XPR1: variants seen among roughly 807,000 people sequenced by gnomAD.
XPR1 encodes xenotropic and polytropic retrovirus receptor 1.
In XPR1, 28 loss-of-function variants were observed where a neutral mutation model predicts 87.5. The ratio of observed to expected loss-of-function variants is 0.32; its 90% CI spans 0.24 to 0.44. The LOEUF is 0.44. Ranked by LOEUF, XPR1 falls within the 20% of genes least tolerant of loss-of-function variation. The probability of loss-of-function intolerance (pLI) is 1.00; values close to 1 mark genes in which losing one functional copy is unlikely to be tolerated. For missense variants in XPR1, 559 were observed against 862.3 expected, an observed-to-expected ratio of 0.65 and a Z score of 4.41; for synonymous variants, 300 against 306.1, an observed-to-expected ratio of 0.98 and a Z score of 0.21.
At chr1:180,763,415 AAAT>A (rs1648129507) in intron 2 of XPR1, among the ~76,000 whole-genome samples, 1 of 152,150 alleles carries the variant, frequency 6.6e-6, no homozygotes, top group Non-Finnish European at 1.5e-5. Flanking sequence ...AGTGAGGAAA[AAAT>A]GATATCTGAC....
At chr1:180,840,249 A>G (rs1383863159) in intron 11 of XPR1, among the ~76,000 whole-genome samples, 1 of 150,922 alleles carries the variant, frequency 6.6e-6, no homozygotes, top group Non-Finnish European at 1.5e-5. Flanking sequence ...AAAAAAAAAA[A>G]AGAAGTGTTG....
chr1:180,663,159 A>G (rs1295893236), intron 1 of XPR1, among the ~76,000 whole-genome samples: 1 of 152,092 alleles, frequency 6.6e-6, no homozygotes, highest in African/African-American at 2.4e-5. Context: ...TGGTGAGGTC[A>G]TGTTTTCCTG....
chr1:180,844,391 A>G (rs1651611959), intron 11 of XPR1, among the ~76,000 whole-genome samples: 1 of 152,210 alleles, frequency 6.6e-6, no homozygotes, highest in African/African-American at 2.4e-5. Context: ...AAAATGTCAT[A>G]TCTAGGTATT....
At chr1:180,791,638 T>C (rs1285186337) in intron 3 of XPR1, among the ~76,000 whole-genome samples, 3 of 152,222 alleles carry the variant, frequency 2.0e-5, no homozygotes, top group Non-Finnish European at 4.4e-5. Flanking sequence ...ATGTTTGTTT[T>C]ATATATGTTT....
At chr1:180,856,945 C>G (rs1652051617) in intron 11 of XPR1, among the ~76,000 whole-genome samples, 1 of 152,054 alleles carries the variant, frequency 6.6e-6, no homozygotes, top group Non-Finnish European at 1.5e-5. Flanking sequence ...TAATCTAAAT[C>G]GAAATGTGCC....
Position 180,783,256 on chromosome 1 carries a change from C to T in XPR1, c.122-4497C>T, listed in dbSNP as rs193220419. 9.7e-4 allele frequency among the ~76,000 whole-genome samples: 147 copies of T among 151,970 alleles called. 3 individuals carry two copies. The East Asian group carries it at 0.027, about 28-fold the overall frequency. ...GTGACACAGCTAGGTGCTGTCTCAA[C>T]AAACAAACAAACAAAAACTCTATTC... On this transcript the variant is annotated intron_variant, in intron 2 of 14. Coordinates refer to ENST00000367590, the MANE Select transcript of XPR1 (RefSeq NM_004736.4).
At chr1:180,874,924 T>A (rs535122785) in intron 13 of XPR1, among the ~76,000 whole-genome samples, 1 of 152,294 alleles carries the variant, frequency 6.6e-6, no homozygotes, top group Non-Finnish European at 1.5e-5. Flanking sequence ...ACAAGTAAAT[T>A]TACAATTTCA....
chr1:180,778,869 T>C (rs1472212289), intron 2 of XPR1, among the ~76,000 whole-genome samples: 1 of 152,228 alleles, frequency 6.6e-6, no homozygotes, highest in Non-Finnish European at 1.5e-5. Context: ...AATTCTCCTA[T>C]TTAGGCTTCC....
At chr1:180,641,842 C>T (rs950758089) in intron 1 of XPR1, among the ~76,000 whole-genome samples, 9 of 152,058 alleles carry the variant, frequency 5.9e-5, no homozygotes, top group African/African-American at 2.2e-4. Context: ...GAATATTGGC[C>T]TTCTGCTTAC....
At chr1:180,861,897 G>T (rs1652233300) in intron 11 of XPR1, among the ~76,000 whole-genome samples, 1 of 152,050 alleles carries the variant, frequency 6.6e-6, no homozygotes, top group Non-Finnish European at 1.5e-5. Context: ...GTGAGGAAAA[G>T]ATGTACAGTA....
chr1:180,823,125 C>G (rs1650698891), intron 7 of XPR1, among the ~76,000 whole-genome samples: 1 of 152,010 alleles, frequency 6.6e-6, no homozygotes. Flanking sequence ...TCTGTAATCC[C>G]AGCCACTCAG....
At chr1:180,761,450 A>G (rs1648028109) in intron 2 of XPR1, among the ~76,000 whole-genome samples, 1 of 152,220 alleles carries the variant, frequency 6.6e-6, no homozygotes, top group Non-Finnish European at 1.5e-5. Flanking sequence ...CCCATCAAAA[A>G]GTGGGCGAAG....
At chr1:180,844,802 A>C (rs188256000) in intron 11 of XPR1, among the ~76,000 whole-genome samples, 63 of 152,314 alleles carry the variant, frequency 4.1e-4, no homozygotes, top group African/African-American at 1.4e-3. Flanking sequence ...TAGCCAGGGG[A>C]AACTTCACAT....
intron 2 of XPR1, among the ~76,000 whole-genome samples, chr1:180,765,807 C>T (rs1172065688): frequency 6.6e-6 from 1 of 151,680 alleles, no homozygotes; most frequent in African/African-American, 2.4e-5. Flanking sequence ...ATGGGGAACC[C>T]ATGAATATAG....
chr1:180,722,955 G>A (rs966843589), intron 2 of XPR1, among the ~76,000 whole-genome samples: 1 of 152,086 alleles, frequency 6.6e-6, no homozygotes, highest in Non-Finnish European at 1.5e-5. Context: ...AGAGAACATC[G>A]TCTTTAATTT....
At chr1:180,675,403 T>G (rs543353068) in intron 1 of XPR1, among the ~76,000 whole-genome samples, 1 of 152,316 alleles carries the variant, frequency 6.6e-6, no homozygotes, top group South Asian at 2.1e-4. Flanking sequence ...CCTCTGGAGA[T>G]ATTTAACCTT....
chr1:180,802,663 C>T (rs1415774013), intron 3 of XPR1, among the ~76,000 whole-genome samples: 16 of 152,112 alleles, frequency 1.1e-4, no homozygotes, highest in Admixed American at 1.0e-3. Flanking sequence ...TATCTCGTAC[C>T]CATTAGCAAT....
intron 2 of XPR1, among the ~76,000 whole-genome samples, chr1:180,733,242 C>T (rs1658617224): frequency 6.6e-6 from 1 of 152,162 alleles, no homozygotes; most frequent in African/African-American, 2.4e-5. Context: ...CTGTCCTTAC[C>T]CTATGTCCGT....
At chr1:180,726,349 G>A (rs1658344667) in intron 2 of XPR1, among the ~76,000 whole-genome samples, 1 of 152,168 alleles carries the variant, frequency 6.6e-6, no homozygotes, top group African/African-American at 2.4e-5. Context: ...TGGAAGCTTT[G>A]TTCTTTCTCT....
Sources: gnomAD v4.1 joint callset for allele counts (sites outside exome capture counted in the v4.1 genomes callset) on GRCh38, gnomAD v4.1.1 for gene constraint, MANE v1.5 for transcripts, NCBI Gene and HGNC (gene_info 2026-07-23, HGNC 2026-07-21) for gene names.